SORCS3: variants seen among roughly 807,000 people sequenced by gnomAD.
SORCS3 encodes VPS10 domain-containing receptor SorCS3.
Under a neutral mutation model 146.3 loss-of-function variants are expected in SORCS3, and 57 were observed. The ratio of observed to expected loss-of-function variants is 0.39; its 90% CI spans 0.31 to 0.49. The LOEUF (loss-of-function observed/expected upper bound fraction) is 0.49, where lower values mean the gene tolerates loss of function less well. SORCS3 is among the 20% of genes least tolerant of loss of function. The probability of loss-of-function intolerance (pLI) is 0.92; values close to 1 mark genes in which losing one functional copy is unlikely to be tolerated. For synonymous variants in SORCS3, 653 were observed against 618.5 expected, an observed-to-expected ratio of 1.06 and a Z score of -0.83; for missense variants, 1,341 against 1,575.5, an observed-to-expected ratio of 0.85 and a Z score of 2.52.
At chr10:104,694,103 T>A (rs1443980178) in intron 1 of SORCS3, among the ~76,000 whole-genome samples, 1 of 151,090 alleles carries the variant, frequency 6.6e-6, no homozygotes, top group Admixed American at 6.6e-5. Flanking sequence ...CTCCTGTGAT[T>A]GTGACAGATG....
intron 3 of SORCS3, among the ~76,000 whole-genome samples, chr10:104,930,691 T>C (rs1051193486): frequency 2.0e-5 from 3 of 152,164 alleles, no homozygotes; most frequent in African/African-American, 7.2e-5. Context: ...GAAGCCCCCA[T>C]AGGGCAGGGG....
intron 2 of SORCS3, among the ~76,000 whole-genome samples, chr10:104,875,423 C>T (rs1271269025): frequency 6.6e-6 from 1 of 152,152 alleles, no homozygotes; most frequent in Non-Finnish European, 1.5e-5. Context: ...CTTCAATTTT[C>T]TCATCTGCAC....
At chr10:105,245,690 A>G in intron 21 of SORCS3, 25 bp downstream of exon 21, 1 of 1,612,504 alleles carries the variant, frequency 6.2e-7, no homozygotes, top group South Asian at 1.1e-5. Context: ...TTGTTCTGTG[A>G]TGCTCCTTCC....
chr10:104,761,674 A>G (rs1223961028), intron 1 of SORCS3, among the ~76,000 whole-genome samples: 2 of 152,134 alleles, frequency 1.3e-5, no homozygotes, highest in East Asian at 3.9e-4. Flanking sequence ...GAAGATGCAA[A>G]TTTCCCCACT....
At chr10:104,732,174 A>G (rs2133453588) in intron 1 of SORCS3, among the ~76,000 whole-genome samples, 1 of 152,356 alleles carries the variant, frequency 6.6e-6, no homozygotes, top group Admixed American at 6.5e-5. Context: ...GCCCTCAGTT[A>G]AGTCCATCTT....
At chr10:104,849,237 C>T (rs771368936) in intron 2 of SORCS3, among the ~76,000 whole-genome samples, 4 of 151,798 alleles carry the variant, frequency 2.6e-5, no homozygotes, top group African/African-American at 7.3e-5. Context: ...ATGGTGAAAC[C>T]GTGTCTCTAC....
In SORCS3 at chr10:104,844,773, G is replaced by A. The variant is rs147102258; in HGVS notation, c.695+1914G>A. On this transcript the variant is annotated intron_variant, in intron 2 of 26. Coordinates refer to ENST00000369701, the MANE Select transcript of SORCS3 (RefSeq NM_014978.3). ...CCCAGAAGTCTGAAATCAAGGTGTC[G>A]TCAGGGCTGTGTTCCTTCTGAAGGA... Among the ~76,000 whole-genome samples the A allele has an allele frequency of 4.7e-3, 723 of 152,288 alleles. 2 individuals carry two copies. Among genetic ancestry groups the A allele is most frequent in the Non-Finnish European group, 7.7e-3 (523 of 68,030 alleles).
At chr10:105,155,332 G>C (rs557310298) in intron 9 of SORCS3, among the ~76,000 whole-genome samples, 1 of 152,330 alleles carries the variant, frequency 6.6e-6, no homozygotes, top group East Asian at 1.9e-4. Flanking sequence ...AGGAAAAACT[G>C]AACCGGGGTC....
At chr10:105,221,426 T>C (rs2056701952) in intron 19 of SORCS3, among the ~76,000 whole-genome samples, 1 of 152,202 alleles carries the variant, frequency 6.6e-6, no homozygotes, top group African/African-American at 2.4e-5. Context: ...AATCATGACA[T>C]TCTTTCATTA....
At chr10:105,098,323 T>G (rs1404099433) in intron 6 of SORCS3, among the ~76,000 whole-genome samples, 1 of 152,168 alleles carries the variant, frequency 6.6e-6, no homozygotes, top group Admixed American at 6.6e-5. Context: ...GGATTGTCTT[T>G]GATAGAAGGA....
intron 4 of SORCS3, among the ~76,000 whole-genome samples, chr10:105,015,030 G>A (rs1197711872): frequency 6.6e-6 from 1 of 152,162 alleles, no homozygotes; most frequent in Non-Finnish European, 1.5e-5. Context: ...ATGAAAAAAG[G>A]CATAACCACA....
intron 5 of SORCS3, among the ~76,000 whole-genome samples, chr10:105,056,599 G>A (rs561190127): frequency 3.0e-4 from 45 of 152,206 alleles, no homozygotes; most frequent in Middle Eastern, 6.8e-3. Flanking sequence ...GCACTTTCTT[G>A]TGATGCTTAA....
intron 1 of SORCS3, among the ~76,000 whole-genome samples, chr10:104,769,888 A>G (rs1023152703): frequency 7.9e-5 from 12 of 152,184 alleles, no homozygotes; most frequent in African/African-American, 2.9e-4. Context: ...CACTTTTGTC[A>G]GATGACTTTT....
At chr10:105,130,287 T>C (rs904686741) in intron 7 of SORCS3, among the ~76,000 whole-genome samples, 1 of 152,164 alleles carries the variant, frequency 6.6e-6, no homozygotes, top group Non-Finnish European at 1.5e-5. Context: ...TGTTACTTAC[T>C]ATGCAATTGG....
At chr10:104,790,740 C>T (rs2017487292) in intron 1 of SORCS3, among the ~76,000 whole-genome samples, 1 of 152,096 alleles carries the variant, frequency 6.6e-6, no homozygotes, top group Non-Finnish European at 1.5e-5. Flanking sequence ...TAGTATATGC[C>T]AAGCTCAGTG....
intron 17 of SORCS3, among the ~76,000 whole-genome samples, chr10:105,212,050 T>C (rs1413802075): frequency 6.6e-6 from 1 of 152,240 alleles, no homozygotes; most frequent in Non-Finnish European, 1.5e-5. Flanking sequence ...ACTCTCCCAA[T>C]GGATCTTCTG....
chr10:104,793,226 A>G (rs370624352), intron 1 of SORCS3, among the ~76,000 whole-genome samples: 66 of 152,306 alleles, frequency 4.3e-4, no homozygotes, highest in African/African-American at 1.4e-3. Context: ...CAATTAGGGT[A>G]ATTAAAATAA....
At chr10:104,891,003 T>C (rs983268130) in intron 2 of SORCS3, among the ~76,000 whole-genome samples, 1 of 152,232 alleles carries the variant, frequency 6.6e-6, no homozygotes, top group Non-Finnish European at 1.5e-5. Context: ...GTGATTTTTA[T>C]CTTATTGGGT....
chr10:104,711,584 C>T (rs1365639380), intron 1 of SORCS3, among the ~76,000 whole-genome samples: 1 of 152,244 alleles, frequency 6.6e-6, no homozygotes, highest in African/African-American at 2.4e-5. Context: ...TCAGGCCACA[C>T]TCACTTTCTG....
Sources: allele counts gnomAD v4.1 joint callset (sites outside exome capture counted in the v4.1 genomes callset), GRCh38; gene constraint gnomAD v4.1.1; transcripts MANE v1.5; gene names NCBI Gene and HGNC (gene_info 2026-07-23, HGNC 2026-07-21).